Variants in NDUFB7 observed in about 807,000 individuals in gnomAD.
The protein encoded by NDUFB7 is NADH:ubiquinone oxidoreductase subunit B7.
Under a neutral mutation model 14.7 loss-of-function variants are expected in NDUFB7, and 18 were observed. The observed-to-expected ratio is 1.22, with a 90% CI of 0.85 to 1.81. The LOEUF (loss-of-function observed/expected upper bound fraction) is 1.81. Among genes scored for constraint, NDUFB7 ranks in the 40% most tolerant of loss-of-function variants. The pLI, the probability that NDUFB7 is intolerant of heterozygous loss-of-function variation, is 0.00. For synonymous variants in NDUFB7, 86 were observed against 76.1 expected (o/e 1.13, Z -0.68); for missense variants, 219 against 195.0 (o/e 1.12, Z -0.73).
rs182923324 is a variant in NDUFB7 at position 14,569,225 on chromosome 19, G to T, written c.113-2292C>A. Among the ~76,000 whole-genome samples, 161 of 152,168 alleles carry T rather than the reference G, an allele frequency of 1.1e-3. 1 individual carries two copies. Among genetic ancestry groups the T allele is most frequent in the African/African-American group, 3.2e-3 (131 of 41,514 alleles). The stretch of plus-strand genomic sequence containing the variant: ...GAAGGATCCGGGAGGTAAGAGAAAG[G>T]CCAGGCACCATAAAGAGTCCACTGG... On this transcript the variant is annotated intron_variant, in intron 1 of 2. Transcript: ENST00000215565.
chr19:14,568,693 T>C (rs1017388203), intron 1 of NDUFB7, among the ~76,000 whole-genome samples: 1 of 152,074 alleles, frequency 6.6e-6, no homozygotes, highest in Admixed American at 6.6e-5. Flanking sequence ...GAGACCAGCC[T>C]GGGGAGCACA....
intron 1 of NDUFB7, 93 bp downstream of exon 1, chr19:14,571,796 A>G: frequency 1.7e-6 from 2 of 1,195,614 alleles, no homozygotes; most frequent in Non-Finnish European, 1.2e-6. Flanking sequence ...ACCTGAGGTT[A>G]GAGCCCAGCC....
intron 1 of NDUFB7, among the ~76,000 whole-genome samples, chr19:14,568,951 G>A (rs1012074047): frequency 2.0e-5 from 3 of 152,120 alleles, no homozygotes; most frequent in Non-Finnish European, 4.4e-5. Flanking sequence ...GAGGCAGGTG[G>A]ATCACTTGAG....
rs538191076 is a variant in NDUFB7, at chr19:14,571,801, C to A, written c.112+88G>T. The A allele has an allele frequency of 2.4e-6, 3 of 1,270,844 alleles. No individual in the cohort carries two copies. The Admixed American group carries it at 6.0e-5, about 26-fold the overall frequency. 78.7% of individuals were successfully genotyped at this position (1,270,844 alleles called of 1,614,324 possible). A position where few individuals can be genotyped will look rare whatever the true frequency, so the allele number is the denominator to read the frequency against. ...CAGATACAACACCTGAGGTTAGAGC[C>A]CAGCCCTGGGGTGCCAGCCCTGGGG... On this transcript the variant is annotated intron_variant, in intron 1 of 2. Transcript: ENST00000215565.
At position 14,567,079 on chromosome 19, in the gene NDUFB7, C is replaced by T. The variant is rs1368867250; in HGVS notation, c.113-146G>A. 2.5e-6 allele frequency: 2 copies of T among 802,994 alleles called. No homozygotes were observed. Among genetic ancestry groups the T allele is most frequent in the South Asian group, 1.8e-5 (1 of 56,680 alleles). The allele number at this position is 802,994 out of a possible 1,614,324, so 49.7% of individuals were successfully genotyped here. A position where few individuals can be genotyped will look rare whatever the true frequency, so the allele number is the denominator to read the frequency against. On this transcript the variant is annotated intron_variant, in intron 1 of 2. Coordinates refer to ENST00000215565, the MANE Select transcript of NDUFB7 (RefSeq NM_004146.6). The surrounding 1 kb of genome is among the most constrained non-coding windows in gnomAD (Gnocchi z 5.1). ...TCCAGATGGCAGTGGATGGCAGATG[C>T]CTTTGACGGATGCACTGTCCTGAAG...
At chr19:14,568,205 C>T (rs1017281991) in intron 1 of NDUFB7, among the ~76,000 whole-genome samples, 2 of 152,120 alleles carry the variant, frequency 1.3e-5, no homozygotes, top group African/African-American at 4.8e-5. Flanking sequence ...CCACCATGCC[C>T]GACTAATTTT....
At chr19:14,568,972 C>T (rs1475536111) in intron 1 of NDUFB7, among the ~76,000 whole-genome samples, 1 of 151,930 alleles carries the variant, frequency 6.6e-6, no homozygotes, top group African/African-American at 2.4e-5. Flanking sequence ...GTCAGAAGTT[C>T]GAGATCAGCC....
chr19:14,567,542 C>A lies in NDUFB7; in HGVS notation c.113-609G>T, dbSNP rs951851731. Reference sequence around the variant, plus strand: ...CTAGTATCTGGGTCCCGGTGCCCCACTCACCTAGCAAACCTGACTCCGGAC... The same window carrying A: ...CTAGTATCTGGGTCCCGGTGCCCCAATCACCTAGCAAACCTGACTCCGGAC... On this transcript the variant is annotated intron_variant, in intron 1 of 2. Transcript: ENST00000215565. The surrounding 1 kb of genome is among the most constrained non-coding windows in gnomAD (Gnocchi z 5.1). Among the ~76,000 whole-genome samples the A allele has an allele frequency of 1.3e-5, 2 of 152,090 alleles. No individual in the cohort carries two copies. Among genetic ancestry groups the A allele is most frequent in the African/African-American group, 4.8e-5 (2 of 41,414 alleles).
Position 14,566,165 on chromosome 19 carries a change from G to A in NDUFB7, c.382C>T (p.Pro128Ser). The A allele has an allele frequency of 6.2e-7, 1 of 1,613,180 alleles. No homozygotes were observed. The highest frequency in any genetic ancestry group is 8.5e-7 in the Non-Finnish European group (1 of 1,179,690). ...KAAELAKGQG[P>S]GEVDPKVAL ...GCCACCTTGGGGTCCACTTCCCCGGGTCCCTGGCCTTTGGCCAACTCTGCC... is the reference window on the plus strand; with the variant it reads ...GCCACCTTGGGGTCCACTTCCCCGGATCCCTGGCCTTTGGCCAACTCTGCC... Residue 128 changes from proline to serine, a missense_variant, in exon 3 of 3, where the codon CCC becomes TCC. Physicochemically the swap from Pro to Ser is moderately conservative, Grantham distance 74 (BLOSUM62 -1). Coordinates refer to ENST00000215565, the MANE Select transcript of NDUFB7 (RefSeq NM_004146.6).
chr19:14,568,150 T>G (rs1048368604), intron 1 of NDUFB7, among the ~76,000 whole-genome samples: 2 of 152,220 alleles, frequency 1.3e-5, no homozygotes, highest in African/African-American at 4.8e-5. Flanking sequence ...GTTCAAGCAA[T>G]TCTCCTGCCT....
chr19:14,566,728 G>C (rs201435853), intron 2 of NDUFB7, 37 bp downstream of exon 2: 2 of 1,518,948 alleles, frequency 1.3e-6, no homozygotes, highest in African/African-American at 1.4e-5. Flanking sequence ...GGGGTGTTGC[G>C]GGCCGGGGTG....
Position 14,571,975 on chromosome 19 carries a change from T to C in NDUFB7, c.26A>G (p.Tyr9Cys). 1 of 1,608,370 alleles carries C rather than the reference T, an allele frequency of 6.2e-7. No homozygotes were observed. Among genetic ancestry groups the C allele is most frequent in the East Asian group, 2.2e-5 (1 of 44,658 alleles). MGAHLVRRYLGDASVEPDP... is the reference protein window; with the variant it reads MGAHLVRRCLGDASVEPDP... ...GGGCTCCACCGAGGCATCGCCCAGGTAGCGCCGGACCAGGTGGGCCCCCAT... is the reference window on the plus strand; with the variant it reads ...GGGCTCCACCGAGGCATCGCCCAGGCAGCGCCGGACCAGGTGGGCCCCCAT... Residue 9 changes from tyrosine (Y) to cysteine (C), a missense_variant, in exon 1 of 3, where the codon TAC (tyrosine) becomes TGC (cysteine). Physicochemically the swap from Tyr to Cys is radical, Grantham distance 194 (BLOSUM62 -2). Transcript: ENST00000215565.
In NDUFB7 at chr19:14,567,042, C is replaced by T; in HGVS notation, c.113-109G>A. The T allele has an allele frequency of 8.9e-7, 1 of 1,123,744 alleles. No individual in the cohort carries two copies. The highest frequency in any genetic ancestry group is 1.2e-6 in the Non-Finnish European group (1 of 800,780). The allele number at this position is 1,123,744 out of a possible 1,614,324, so 69.6% of individuals were successfully genotyped here. On this transcript the variant is annotated intron_variant, in intron 1 of 2. Transcript: ENST00000215565. The surrounding 1 kb of genome is among the most constrained non-coding windows in gnomAD (Gnocchi z 5.1). ...TTCAGGAAGGCACGGCTTGGGGTGT[C>T]CCCCATTCACATCCAGATGGCAGTG...
intron 1 of NDUFB7, among the ~76,000 whole-genome samples, chr19:14,570,446 C>T (rs1222397889): frequency 2.6e-5 from 4 of 151,368 alleles, no homozygotes; most frequent in African/African-American, 4.9e-5. Context: ...GTGATCTGCC[C>T]GCCTCGGCCT....
rs1050328839 is a variant in NDUFB7, at chr19:14,567,440, C to T, written c.113-507G>A. Among the ~76,000 whole-genome samples the T allele has an allele frequency of 2.0e-5, 3 of 152,136 alleles. No homozygotes were observed. Among genetic ancestry groups the T allele is most frequent in the Admixed American group, 1.3e-4 (2 of 15,268 alleles). ...TCAGCCTCAGAACTGACCATCCGGTCATGGAAGTTACCCGAGCATCCACTG... is the reference window on the plus strand; with the variant it reads ...TCAGCCTCAGAACTGACCATCCGGTTATGGAAGTTACCCGAGCATCCACTG... On this transcript the variant is annotated intron_variant, in intron 1 of 2. Transcript: ENST00000215565. The surrounding 1 kb of genome is among the most constrained non-coding windows in gnomAD (Gnocchi z 5.1).
chr19:14,567,876 G>A lies in NDUFB7; in HGVS notation c.113-943C>T, dbSNP rs979179251. On this transcript the variant is annotated intron_variant, in intron 1 of 2. Transcript: ENST00000215565. This position sits in a 1 kb window ranked among gnomAD's most constrained non-coding sequence, Gnocchi z 5.1. ...TCTCCTGCCCCTTGTCCCATTCCCT[G>A]GCTTCTGCCCTACCCCCTCACTGCC... 6.6e-6 allele frequency among the ~76,000 whole-genome samples: 1 copy of A among 151,952 alleles called. No homozygotes were observed. Among genetic ancestry groups the A allele is most frequent in the Admixed American group, 6.6e-5 (1 of 15,232 alleles).
At chr19:14,571,197 C>T (rs2074123093) in intron 1 of NDUFB7, among the ~76,000 whole-genome samples, 1 of 152,106 alleles carries the variant, frequency 6.6e-6, no homozygotes, top group Non-Finnish European at 1.5e-5. Flanking sequence ...ATTTGCAGCT[C>T]GAATCTTCCT....
intron 1 of NDUFB7, among the ~76,000 whole-genome samples, chr19:14,568,751 T>C (rs574780094): frequency 5.8e-4 from 88 of 152,274 alleles, no homozygotes; most frequent in African/African-American, 2.1e-3. Flanking sequence ...TGCACGGTAG[T>C]GCACACGGAG....
chr19:14,571,913 C>G lies in NDUFB7; in HGVS notation c.88G>C (p.Gly30Arg). 1 of 1,611,676 alleles carries G rather than the reference C, an allele frequency of 6.2e-7. No homozygotes were observed. Residue 30 changes from glycine to arginine, a missense_variant, in exon 1 of 3, where the codon GGC becomes CGC. Coordinates refer to ENST00000215565, the MANE Select transcript of NDUFB7 (RefSeq NM_004146.6). The stretch of plus-strand genomic sequence containing the variant: ...CCGCGCTCCTTGCGTTCGGGGAAGC[C>G]GTAGTCTGGCGGGAAGGTTGGCATC... ...LQMPTFPPDY[G>R]FPERKEREMV... is the part of the protein sequence containing the mutation.
Sources: allele counts gnomAD v4.1 joint callset (sites outside exome capture counted in the v4.1 genomes callset), GRCh38; gene constraint gnomAD v4.1.1; non-coding constraint Gnocchi (gnomAD v3.1); transcripts MANE v1.5; gene names NCBI Gene and HGNC (gene_info 2026-07-23, HGNC 2026-07-21).